Variants in CAMTA1 observed in about 807,000 individuals in gnomAD.
The protein encoded by CAMTA1 is calmodulin binding transcription activator 1.
Under a neutral mutation model 170.9 loss-of-function variants are expected in CAMTA1, and 27 were observed. That is an observed-to-expected ratio of 0.16 (90% CI 0.12 to 0.22). CAMTA1 has a LOEUF of 0.22. Ranked by LOEUF, CAMTA1 falls within the 10% of genes least tolerant of loss-of-function variation. The pLI is 1.00. For missense variants in CAMTA1, 1,619 were observed against 2,217.2 expected, an observed-to-expected ratio of 0.73 and a Z score of 5.42; for synonymous variants, 833 against 891.5, an observed-to-expected ratio of 0.93 and a Z score of 1.17.
intron 4 of CAMTA1, among the ~76,000 whole-genome samples, chr1:7,206,595 C>T (rs1657775945): frequency 6.6e-6 from 1 of 152,164 alleles, no homozygotes; most frequent in African/African-American, 2.4e-5. Context: ...ATTTTCACTG[C>T]TGTGTACTAT....
chr1:7,213,714 C>T (rs1659206325), intron 4 of CAMTA1, among the ~76,000 whole-genome samples: 1 of 151,952 alleles, frequency 6.6e-6, no homozygotes, highest in Non-Finnish European at 1.5e-5. Context: ...CCCATTAACT[C>T]ATCATTTAAC....
intron 3 of CAMTA1, among the ~76,000 whole-genome samples, chr1:6,831,967 G>A (rs1422417979): frequency 6.6e-6 from 1 of 152,076 alleles, no homozygotes; most frequent in Non-Finnish European, 1.5e-5. Flanking sequence ...TAAAAATCTT[G>A]AGTACTTTTT....
At chr1:7,764,922 T>C (rs906141130) in intron 22 of CAMTA1, among the ~76,000 whole-genome samples, 1 of 151,434 alleles carries the variant, frequency 6.6e-6, no homozygotes, top group African/African-American at 2.4e-5. Context: ...ATCGCACCAC[T>C]GCACTCCAGC....
At chr1:7,654,580 A>G (rs776226189) in intron 7 of CAMTA1, among the ~76,000 whole-genome samples, 29 of 134,096 alleles carry the variant, frequency 2.2e-4, no homozygotes, top group Admixed American at 5.5e-4. Flanking sequence ...ACACACCTAT[A>G]CATACACACA....
rs187776381 is a variant in CAMTA1 at position 7,502,925 on chromosome 1, C to T, written c.510+35024C>T. Among the ~76,000 whole-genome samples, 157 of 152,258 alleles carry T rather than the reference C, an allele frequency of 1.0e-3. 2 individuals are homozygous for T. The highest frequency in any genetic ancestry group is 3.7e-3 in the African/African-American group (153 of 41,542). Reference sequence around the variant, plus strand: ...CTGCCCCGCACCCCCTGCCCCGCACCCCATGGCTCACCCTGGGCACAGATG... The same window carrying T: ...CTGCCCCGCACCCCCTGCCCCGCACTCCATGGCTCACCCTGGGCACAGATG... On this transcript the variant is annotated intron_variant, in intron 6 of 22. Coordinates refer to ENST00000303635, the MANE Select transcript of CAMTA1 (RefSeq NM_015215.4).
At position 7,214,692 on chromosome 1, in the gene CAMTA1, A is replaced by G. The variant is rs554631976; in HGVS notation, c.303-34799A>G. 3.3e-5 allele frequency among the ~76,000 whole-genome samples: 5 copies of G among 152,262 alleles called. No individual in the cohort carries two copies. In the South Asian group the frequency reaches 1.0e-3, roughly 32 times the overall value. On this transcript the variant is annotated intron_variant, in intron 4 of 22. Coordinates refer to ENST00000303635, the MANE Select transcript of CAMTA1 (RefSeq NM_015215.4). ...AAAGATTTTAATTTTCATGAAGTCT[A>G]CTTTACCCATTTTTCCTTTTATATG...
At chr1:7,006,095 G>A (rs2100703114) in intron 3 of CAMTA1, among the ~76,000 whole-genome samples, 1 of 152,170 alleles carries the variant, frequency 6.6e-6, no homozygotes, top group East Asian at 1.9e-4. Flanking sequence ...GTGTCTCTGG[G>A]TTTAGCTAGA....
intron 19 of CAMTA1, 125 bp downstream of exon 19, chr1:7,747,906 G>GTT (rs34083763): frequency 3.0e-4 from 127 of 426,514 alleles, no homozygotes; most frequent in East Asian, 6.3e-4. Flanking sequence ...TTTTTTGGTT[G>GTT]TTTTTTTTTT....
rs1317795738 is a variant in CAMTA1, at chr1:7,565,651, C to A, written c.511-74749C>A. 6.6e-6 allele frequency among the ~76,000 whole-genome samples: 1 copy of A among 152,152 alleles called. No homozygotes were observed. The highest frequency in any genetic ancestry group is 1.5e-5 in the Non-Finnish European group (1 of 68,010). ...CTCCTTTGGGGAGGCTGCCTGGGGG[C>A]CTCAGCCATACTGTGGGGCTCCTTG... is the stretch of plus-strand genomic sequence containing the variant. On this transcript the variant is annotated intron_variant, in intron 6 of 22. Transcript: ENST00000303635. This position sits in a 1 kb window ranked among gnomAD's most constrained non-coding sequence, Gnocchi z 4.5.
In CAMTA1 at chr1:7,234,476, G is replaced by A. The variant is rs901230495; in HGVS notation, c.303-15015G>A. ...TGCGTCATTGTTCTTCCTCCCTACC[G>A]GACTGCAAGCTGTGCAGAGGCAGGG... On this transcript the variant is annotated intron_variant, in intron 4 of 22. Coordinates refer to ENST00000303635, the MANE Select transcript of CAMTA1 (RefSeq NM_015215.4). The surrounding 1 kb of genome is among the most constrained non-coding windows in gnomAD (Gnocchi z 5.0). 8.5e-5 allele frequency among the ~76,000 whole-genome samples: 13 copies of A among 152,194 alleles called. No individual in the cohort carries two copies. The highest frequency in any genetic ancestry group is 1.6e-4 in the Non-Finnish European group (11 of 68,048).
In CAMTA1 at chr1:7,144,376, C is replaced by T. The variant is rs1010107288; in HGVS notation, c.302+53005C>T. ...GCCACCAATTCTATTGGATACAGAC[C>T]CTATCTGACCTCATTTAACCTTAAT... On this transcript the variant is annotated intron_variant, in intron 4 of 22. Coordinates refer to ENST00000303635, the MANE Select transcript of CAMTA1 (RefSeq NM_015215.4). This position sits in a 1 kb window ranked among gnomAD's most constrained non-coding sequence, Gnocchi z 4.0. Among the ~76,000 whole-genome samples the T allele has an allele frequency of 6.6e-6, 1 of 152,044 alleles. No homozygotes were observed. The highest frequency in any genetic ancestry group is 1.5e-5 in the Non-Finnish European group (1 of 68,012).
chr1:7,480,723 T>G (rs1242514597), intron 6 of CAMTA1, among the ~76,000 whole-genome samples: 2 of 152,156 alleles, frequency 1.3e-5, no homozygotes, highest in East Asian at 3.9e-4. Context: ...TGCTGGACTA[T>G]CCCTGAGCTG....
intron 3 of CAMTA1, among the ~76,000 whole-genome samples, chr1:6,966,281 C>G (rs1317684794): frequency 6.6e-6 from 1 of 152,188 alleles, no homozygotes; most frequent in African/African-American, 2.4e-5. Flanking sequence ...TTGCCCCAGT[C>G]TATTTTAGGA....
In CAMTA1 at chr1:6,881,165, A is replaced by C. The variant is rs559828136; in HGVS notation, c.234+55955A>C. ...ATTGGACTCCAGATTTCATGCCCTT[A>C]ATCACTGTGGTATTTTGTTTCTCTT... On this transcript the variant is annotated intron_variant, in intron 3 of 22. Transcript: ENST00000303635. Among the ~76,000 whole-genome samples the C allele has an allele frequency of 4.6e-5, 7 of 152,266 alleles. No homozygotes were observed. In the East Asian group the frequency reaches 1.4e-3, roughly 29 times the overall value.
rs536897543 is a variant in CAMTA1, at chr1:7,456,396, C to T, written c.439-11434C>T. On this transcript the variant is annotated intron_variant, in intron 5 of 22. Transcript: ENST00000303635. This position sits in a 1 kb window ranked among gnomAD's most constrained non-coding sequence, Gnocchi z 4.9. The stretch of plus-strand genomic sequence containing the variant: ...CAGGGCTCCAAGAAATAGGTCTCAG[C>T]GGTACATTTTGATGAAAGAGAGGGA... Among the ~76,000 whole-genome samples the T allele has an allele frequency of 3.3e-5, 5 of 152,074 alleles. No homozygotes were observed. Among genetic ancestry groups the T allele is most frequent in the South Asian group, 2.1e-4 (1 of 4,808 alleles).
chr1:7,255,985 GA>G (rs1462851862), intron 5 of CAMTA1, among the ~76,000 whole-genome samples: 1 of 152,164 alleles, frequency 6.6e-6, no homozygotes, highest in Non-Finnish European at 1.5e-5. Flanking sequence ...CTAGTACAGG[GA>G]GCGTCTGTTC....
At chr1:7,176,808 G>A (rs1038550655) in intron 4 of CAMTA1, among the ~76,000 whole-genome samples, 1 of 152,182 alleles carries the variant, frequency 6.6e-6, no homozygotes, top group African/African-American at 2.4e-5. Context: ...ATCTTGGGCA[G>A]GCCCTGTGAC....
At position 7,585,742 on chromosome 1, in the gene CAMTA1, T is replaced by C. The variant is rs2095303907; in HGVS notation, c.511-54658T>C. ...TGCGGGGTGCCCAGTTCATACATCC[T>C]AGAGGGGGGCTCTCTTGTGGACAGA... is the stretch of plus-strand genomic sequence containing the variant. On this transcript the variant is annotated intron_variant, in intron 6 of 22. Coordinates refer to ENST00000303635, the MANE Select transcript of CAMTA1 (RefSeq NM_015215.4). This position sits in a 1 kb window ranked among gnomAD's most constrained non-coding sequence, Gnocchi z 4.8. 6.6e-6 allele frequency among the ~76,000 whole-genome samples: 1 copy of C among 150,902 alleles called. No individual in the cohort carries two copies. The highest frequency in any genetic ancestry group is 6.6e-5 in the Admixed American group (1 of 15,240).
chr1:6,832,490 G>T (rs901626649), intron 3 of CAMTA1, among the ~76,000 whole-genome samples: 2 of 152,020 alleles, frequency 1.3e-5, no homozygotes, highest in East Asian at 1.9e-4. Flanking sequence ...TAGGTTTAGG[G>T]CTGTAATTTT....
Sources: gnomAD v4.1 joint callset for allele counts (sites outside exome capture counted in the v4.1 genomes callset) on GRCh38, gnomAD v4.1.1 for gene constraint, Gnocchi (gnomAD v3.1) non-coding constraint, MANE v1.5 for transcripts, NCBI Gene and HGNC (gene_info 2026-07-23, HGNC 2026-07-21) for gene names.